Variants in ANKRD17 observed in about 807,000 individuals in gnomAD.
ANKRD17 encodes the protein ankyrin repeat domain-containing protein 17.
In ANKRD17, 19 loss-of-function variants were observed where a neutral mutation model predicts 229.7. The ratio of observed to expected loss-of-function variants is 0.08; its 90% confidence interval spans 0.06 to 0.12. ANKRD17 has a LOEUF of 0.12. ANKRD17 is among the 10% of genes least tolerant of loss of function. The pLI, the probability that ANKRD17 is intolerant of heterozygous loss-of-function variation, is 1.00. For missense variants in ANKRD17, 2,176 were observed against 3,176.8 expected, an observed-to-expected ratio of 0.68 and a Z score of 7.57; for synonymous variants, 1,112 against 1,146.1, an observed-to-expected ratio of 0.97 and a Z score of 0.60.
At chr4:73,239,310 T>G (rs1240740315) in intron 1 of ANKRD17, among the ~76,000 whole-genome samples, 1 of 152,198 alleles carries the variant, frequency 6.6e-6, no homozygotes, top group African/African-American at 2.4e-5. Flanking sequence ...ACCTCTGGAA[T>G]ATATCTTACC....
intron 1 of ANKRD17, among the ~76,000 whole-genome samples, chr4:73,223,436 A>C (rs185940480): frequency 9.8e-5 from 15 of 152,334 alleles, no homozygotes; most frequent in African/African-American, 3.6e-4. Context: ...AGTGAGATTA[A>C]TGGTTGTATT....
chr4:73,246,229 CATT>C (rs1744487283), intron 1 of ANKRD17, among the ~76,000 whole-genome samples: 1 of 152,206 alleles, frequency 6.6e-6, no homozygotes, highest in Non-Finnish European at 1.5e-5. Context: ...CGAAGGATTT[CATT>C]ATTAATATGT....
rs1396826041 is a variant in ANKRD17 at position 73,098,017 on chromosome 4, T to C, written c.5021+56A>G. ...TTACTTTCTTTACCAACAAATTCAG[T>C]AATAAGGTATTTCATGATGACACTA... On this transcript the variant is annotated intron_variant, in intron 26 of 33. Coordinates refer to ENST00000358602, the MANE Select transcript of ANKRD17 (RefSeq NM_032217.5). The C allele has an allele frequency of 6.1e-6, 9 of 1,474,276 alleles. No homozygotes were observed. The East Asian group carries it at 1.6e-4, about 26-fold the overall frequency. The allele number at this position is 1,474,276 out of a possible 1,614,324, so 91.3% of individuals were successfully genotyped here.
At chr4:73,240,373 T>C (rs1459830936) in intron 1 of ANKRD17, among the ~76,000 whole-genome samples, 2 of 150,750 alleles carry the variant, frequency 1.3e-5, no homozygotes, top group South Asian at 2.1e-4. Flanking sequence ...CCTGGAATAC[T>C]AGCACTTTGA....
Position 73,095,722 on chromosome 4 carries a change from G to A in ANKRD17, c.5177+1395C>T, listed in dbSNP as rs377199445. Among the ~76,000 whole-genome samples, 15 of 150,168 alleles carry A rather than the reference G, an allele frequency of 1.0e-4. No homozygotes were observed. The South Asian group carries it at 2.5e-3, about 25-fold the overall frequency. On this transcript the variant is annotated intron_variant, in intron 27 of 33. Coordinates refer to ENST00000358602, the MANE Select transcript of ANKRD17 (RefSeq NM_032217.5). ...ATTATTTTTTTTTTGACAGAGTCTC[G>A]TTCTGTACCCAGGCTGGAATGCAGT...
At chr4:73,110,670 G>C (rs536682264) in intron 24 of ANKRD17, among the ~76,000 whole-genome samples, 2 of 152,264 alleles carry the variant, frequency 1.3e-5, no homozygotes, top group South Asian at 4.1e-4. Flanking sequence ...TTAAAAAATA[G>C]TGAGCCAAAC....
chr4:73,211,189 T>C (rs1215691147), intron 1 of ANKRD17, among the ~76,000 whole-genome samples: 2 of 151,722 alleles, frequency 1.3e-5, no homozygotes, highest in African/African-American at 4.8e-5. Context: ...GAGCAGAAAA[T>C]AGTAGGAGCT....
rs140088576 is a variant in ANKRD17 at position 73,183,336 on chromosome 4, T to C, written c.394-5803A>G. Among the ~76,000 whole-genome samples, 664 of 152,322 alleles carry C rather than the reference T, an allele frequency of 4.4e-3. 8 individuals are homozygous for C. The highest frequency in any genetic ancestry group is 0.043 in the South Asian group (206 of 4,822). Reference sequence around the variant, plus strand: ...ATCCTTGTTTTTCAGACATGCATACTGAAGTATGAAGGAATAGTGTCGGAA... The same window carrying C: ...ATCCTTGTTTTTCAGACATGCATACCGAAGTATGAAGGAATAGTGTCGGAA... On this transcript the variant is annotated intron_variant, in intron 1 of 33. Transcript: ENST00000358602.
At chr4:73,216,110 T>C (rs1369030407) in intron 1 of ANKRD17, among the ~76,000 whole-genome samples, 1 of 152,028 alleles carries the variant, frequency 6.6e-6, no homozygotes, top group African/African-American at 2.4e-5. Flanking sequence ...ATAAAGAAGA[T>C]ATGAGAGTCT....
rs374028350 is a variant in ANKRD17, at chr4:73,147,478, C to T, written c.1568-46G>A. The T allele has an allele frequency of 1.3e-5, 18 of 1,349,736 alleles. No homozygotes were observed. The African/African-American group carries it at 1.5e-4, about 11-fold the overall frequency. 83.6% of individuals were successfully genotyped at this position (1,349,736 alleles called of 1,614,324 possible). A position where few individuals can be genotyped will look rare whatever the true frequency, so the allele number is the denominator to read the frequency against. ...ATTTAAAGAAAGTCATTAACTTATTCCAGAGATATGAAAAACATGATTGTT... is the reference window on the plus strand; with the variant it reads ...ATTTAAAGAAAGTCATTAACTTATTTCAGAGATATGAAAAACATGATTGTT... On this transcript the variant is annotated intron_variant, in intron 8 of 33. Transcript: ENST00000358602.
At chr4:73,108,333 G>A (rs1428346197) in intron 24 of ANKRD17, among the ~76,000 whole-genome samples, 3 of 152,142 alleles carry the variant, frequency 2.0e-5, no homozygotes, top group African/African-American at 4.8e-5. Context: ...CTGAATACAC[G>A]AGACTGAAGT....
chr4:73,178,206 C>A (rs544305340), intron 1 of ANKRD17, among the ~76,000 whole-genome samples: 1 of 152,266 alleles, frequency 6.6e-6, no homozygotes, highest in East Asian at 1.9e-4. Context: ...GCCAAATATC[C>A]AAGTTTGATA....
At chr4:73,191,644 A>T (rs1455359336) in intron 1 of ANKRD17, among the ~76,000 whole-genome samples, 1 of 151,938 alleles carries the variant, frequency 6.6e-6, no homozygotes, top group African/African-American at 2.4e-5. Context: ...TAAAAAGAGG[A>T]TTATAAAGAA....
At chr4:73,186,342 A>C (rs566478631) in intron 1 of ANKRD17, among the ~76,000 whole-genome samples, 1 of 152,200 alleles carries the variant, frequency 6.6e-6, no homozygotes, top group East Asian at 1.9e-4. Flanking sequence ...GAAAATAAAA[A>C]CCCACTTAAA....
chr4:73,158,427 CA>C (rs1732061782), intron 3 of ANKRD17, among the ~76,000 whole-genome samples: 1 of 152,184 alleles, frequency 6.6e-6, no homozygotes, highest in South Asian at 2.1e-4. Flanking sequence ...AAATAAGCTC[CA>C]ACCTCCAAAT....
At chr4:73,111,045 G>C (rs1253974974) in intron 24 of ANKRD17, among the ~76,000 whole-genome samples, 1 of 152,172 alleles carries the variant, frequency 6.6e-6, no homozygotes. Flanking sequence ...TATTCTGCAA[G>C]TATCTACTAA....
rs186556043 is a variant in ANKRD17 at position 73,131,817 on chromosome 4, T to A, written c.3234+3300A>T. On this transcript the variant is annotated intron_variant, in intron 16 of 33. Coordinates refer to ENST00000358602, the MANE Select transcript of ANKRD17 (RefSeq NM_032217.5). ...ACAAAGATTAAGTTAAAGAAGTTAA[T>A]ATCTGCAAGGCATTAAGCCTGTATG... Among the ~76,000 whole-genome samples, 12 of 152,320 alleles carry A rather than the reference T, an allele frequency of 7.9e-5. No homozygotes were observed. The East Asian group carries it at 2.3e-3, about 29-fold the overall frequency.
At chr4:73,117,525 A>G (rs781610274) in intron 22 of ANKRD17, among the ~76,000 whole-genome samples, 4 of 152,334 alleles carry the variant, frequency 2.6e-5, no homozygotes, top group Admixed American at 6.5e-5. Flanking sequence ...GTGAGAAGGA[A>G]TAAGTTGGAT....
chr4:73,078,817 T>C lies in ANKRD17; in HGVS notation c.7233A>G (p.Ser2411=). ...SPAPSSVPLG[S]EKPSNVSQDR... ...CCTGAGACACATTGCTGGGCTTTTC[T>C]GACCCTAACGGTACTGATGATGGGG... The change falls in exon 31 of 34, where the codon TCA becomes TCG. Residue 2411 remains serine, a synonymous_variant. Coordinates refer to ENST00000358602, the MANE Select transcript of ANKRD17 (RefSeq NM_032217.5). 1 of 1,614,168 alleles carries C rather than the reference T, an allele frequency of 6.2e-7. No individual in the cohort carries two copies. Among genetic ancestry groups the C allele is most frequent in the Non-Finnish European group, 8.5e-7 (1 of 1,180,018 alleles).
Sources: gnomAD v4.1 joint callset for allele counts (sites outside exome capture counted in the v4.1 genomes callset) on GRCh38, gnomAD v4.1.1 for gene constraint, MANE v1.5 for transcripts, NCBI Gene and HGNC (gene_info 2026-07-23, HGNC 2026-07-21) for gene names.